Variants in DACH1 observed in about 807,000 individuals in gnomAD.
DACH1 encodes dachshund family transcription factor 1, also known as dachshund homolog 1.
In DACH1, 12 loss-of-function variants were observed where a neutral mutation model predicts 54.2. That is an observed-to-expected ratio of 0.22 (90% CI 0.14 to 0.36). The LOEUF is 0.36. Among genes scored for constraint, DACH1 ranks in the 10% least tolerant of loss-of-function variants. The pLI is 1.00. For synonymous variants in DACH1, 386 were observed against 366.2 expected, an observed-to-expected ratio of 1.05 and a Z score of -0.62; for missense variants, 805 against 929.8, an observed-to-expected ratio of 0.87 and a Z score of 1.75.
chr13:71,729,365 T>C (rs528763087), intron 1 of DACH1, among the ~76,000 whole-genome samples: 81 of 152,158 alleles, frequency 5.3e-4, no homozygotes, highest in African/African-American at 1.8e-3. Context: ...GAGATACTTA[T>C]TTAAAAAGTC....
chr13:71,850,811 T>TAAATAG (rs1236986179), intron 1 of DACH1, among the ~76,000 whole-genome samples: 1 of 152,204 alleles, frequency 6.6e-6, no homozygotes, highest in Non-Finnish European at 1.5e-5. Flanking sequence ...GCACAGCTTT[T>TAAATAG]AAGCTGAGCA....
intron 3 of DACH1, among the ~76,000 whole-genome samples, chr13:71,591,820 T>C (rs1242813580): frequency 2.0e-5 from 3 of 151,952 alleles, no homozygotes; most frequent in Non-Finnish European, 4.4e-5. Flanking sequence ...CTAAATCAAA[T>C]ACTGCCCTAG....
At chr13:71,561,586 T>C (rs560780361) in intron 4 of DACH1, among the ~76,000 whole-genome samples, 10 of 152,228 alleles carry the variant, frequency 6.6e-5, no homozygotes, top group African/African-American at 2.4e-4. Context: ...CCTCATGAAC[T>C]CCTGATTTTG....
chr13:71,489,625 AC>A (rs1159378829), intron 6 of DACH1, among the ~76,000 whole-genome samples: 2 of 152,130 alleles, frequency 1.3e-5, no homozygotes, highest in African/African-American at 4.8e-5. Context: ...TAAGGAATTT[AC>A]AAAAGAATGT....
At chr13:71,516,077 C>G (rs1199273734) in intron 6 of DACH1, among the ~76,000 whole-genome samples, 1 of 151,720 alleles carries the variant, frequency 6.6e-6, no homozygotes, top group Non-Finnish European at 1.5e-5. Flanking sequence ...GGAAAGAAAC[C>G]CTCATCACAA....
chr13:71,761,469 C>CT lies in DACH1; in HGVS notation c.849-79560dup, dbSNP rs796086484. ...TTTTACAATACTATATTCTCCTGTC[C>CT]TAAAATCATCGTCAAGTAGGAAGCG... is the stretch of plus-strand genomic sequence containing the variant. On this transcript the variant is annotated intron_variant, in intron 1 of 10. Transcript: ENST00000613252. Among the ~76,000 whole-genome samples, 3 of 152,222 alleles carry CT rather than the reference C, an allele frequency of 2.0e-5. No individual in the cohort carries two copies. The East Asian group carries it at 5.8e-4, about 29-fold the overall frequency.
At chr13:71,456,141 C>T (rs962233632) in intron 10 of DACH1, among the ~76,000 whole-genome samples, 4 of 151,974 alleles carry the variant, frequency 2.6e-5, no homozygotes, top group East Asian at 1.9e-4. Context: ...TTGAAAGTTC[C>T]GGTTTGTTCT....
intron 1 of DACH1, among the ~76,000 whole-genome samples, chr13:71,853,511 C>G (rs1873806519): frequency 6.6e-6 from 1 of 152,110 alleles, no homozygotes. Context: ...CTAAAATAAT[C>G]TTAATTCACA....
chr13:71,588,941 A>G (rs1190294821), intron 3 of DACH1, among the ~76,000 whole-genome samples: 1 of 152,048 alleles, frequency 6.6e-6, no homozygotes, highest in East Asian at 1.9e-4. Flanking sequence ...ATGTTTAAAT[A>G]TTAAGTCAAT....
chr13:71,782,746 G>T (rs303961), intron 1 of DACH1, among the ~76,000 whole-genome samples: 4,795 of 151,946 alleles, frequency 0.032, 139 homozygotes, highest in African/African-American at 0.079. Flanking sequence ...ACAATCCTGA[G>T]AAATCAAAAA....
intron 8 of DACH1, among the ~76,000 whole-genome samples, chr13:71,476,534 T>C (rs1461534395): frequency 6.6e-6 from 1 of 152,146 alleles, no homozygotes; most frequent in Non-Finnish European, 1.5e-5. Context: ...AGAAAATTAT[T>C]CTACTTTCAC....
chr13:71,554,496 T>A (rs1884112038), intron 6 of DACH1, among the ~76,000 whole-genome samples: 1 of 152,078 alleles, frequency 6.6e-6, no homozygotes, highest in Non-Finnish European at 1.5e-5. Flanking sequence ...ATATAGTAAG[T>A]TTTTATGTAT....
intron 1 of DACH1, among the ~76,000 whole-genome samples, chr13:71,688,590 TACAA>T (rs1385412727): frequency 3.3e-5 from 5 of 152,162 alleles, no homozygotes; most frequent in South Asian, 2.1e-4. Context: ...CACTTCTCAG[TACAA>T]ACAGACTATG....
At chr13:71,577,936 C>G (rs1444044438) in intron 3 of DACH1, among the ~76,000 whole-genome samples, 1 of 151,872 alleles carries the variant, frequency 6.6e-6, no homozygotes, top group Non-Finnish European at 1.5e-5. Flanking sequence ...CATTTCATTC[C>G]TAAATATATC....
chr13:71,517,001 T>C (rs1881212311), intron 6 of DACH1, among the ~76,000 whole-genome samples: 1 of 151,532 alleles, frequency 6.6e-6, no homozygotes, highest in Non-Finnish European at 1.5e-5. Flanking sequence ...TATACCTTAG[T>C]GAGGGGATGT....
chr13:71,859,262 G>A (rs12585045), intron 1 of DACH1, among the ~76,000 whole-genome samples: 13,073 of 151,644 alleles, frequency 0.086, 1,456 homozygotes, highest in East Asian at 0.56. Context: ...AATTTAGAAA[G>A]AATGAAAGAT....
At chr13:71,768,289 A>G (rs2138028007) in intron 1 of DACH1, among the ~76,000 whole-genome samples, 1 of 142,000 alleles carries the variant, frequency 7.0e-6, no homozygotes, top group South Asian at 2.1e-4. Context: ...ACTTTTTGGA[A>G]CAAGTATAAG....
intron 3 of DACH1, among the ~76,000 whole-genome samples, chr13:71,619,826 A>T (rs2138538860): frequency 6.6e-6 from 1 of 152,076 alleles, no homozygotes; most frequent in East Asian, 1.9e-4. Flanking sequence ...AATAGAAAAC[A>T]GTGCCAATAT....
chr13:71,478,307 C>G (rs1877749808), intron 8 of DACH1, among the ~76,000 whole-genome samples: 2 of 152,202 alleles, frequency 1.3e-5, no homozygotes, highest in South Asian at 4.1e-4. Flanking sequence ...CAGGAATACA[C>G]TAACTGTTGC....
Sources: gnomAD v4.1 joint callset for allele counts (sites outside exome capture counted in the v4.1 genomes callset) on GRCh38, gnomAD v4.1.1 for gene constraint, MANE v1.5 for transcripts, NCBI Gene and HGNC (gene_info 2026-07-23, HGNC 2026-07-21) for gene names.